EVC2: variants seen among roughly 807,000 people sequenced by gnomAD.
The protein encoded by EVC2 is EvC ciliary complex subunit 2.
Under a neutral mutation model 149.3 loss-of-function variants are expected in EVC2, and 148 were observed. The ratio of observed to expected loss-of-function variants is 0.99; its 90% CI spans 0.87 to 1.14. The LOEUF is 1.14. Ranked by LOEUF, EVC2 falls within the 50% of genes most tolerant of loss-of-function variation. The probability of loss-of-function intolerance (pLI) is 0.00; values close to 1 mark genes in which losing one functional copy is unlikely to be tolerated. For synonymous variants in EVC2, 776 were observed against 649.9 expected (o/e 1.19, Z -2.95); for missense variants, 1,854 against 1,627.3 (o/e 1.14, Z -2.40).
rs189531999 is a variant in EVC2, at chr4:5,640,948, G to A, written c.1146-110C>T. ...TTATGTGTAGGCAAGGGCTTTCTTC[G>A]TCTTCCTTTTCTTCCTTTCCCCGCT... On this transcript the variant is annotated intron_variant, in intron 9 of 21. Transcript: ENST00000344408. This position sits in a 1 kb window ranked among gnomAD's most constrained non-coding sequence, Gnocchi z 4.6. The A allele has an allele frequency of 2.8e-4, 360 of 1,281,998 alleles. No individual in the cohort carries two copies. The East Asian group carries it at 4.1e-3, about 15-fold the overall frequency. The allele number at this position is 1,281,998 out of a possible 1,614,324, so 79.4% of individuals were successfully genotyped here.
rs1341473827 is a variant in EVC2 at position 5,677,307 on chromosome 4, G to A, written c.870+3953C>T. Among the ~76,000 whole-genome samples, 2 of 152,140 alleles carry A rather than the reference G, an allele frequency of 1.3e-5. No homozygotes were observed. Among genetic ancestry groups the A allele is most frequent in the African/African-American group, 4.8e-5 (2 of 41,432 alleles). ...ATCAGTGGAGGGACAGGGATTCAAA[G>A]CCAGGCCTTATGGTCCAAGAGTCAG... On this transcript the variant is annotated intron_variant, in intron 7 of 21. Coordinates refer to ENST00000344408, the MANE Select transcript of EVC2 (RefSeq NM_147127.5). This position sits in a 1 kb window ranked among gnomAD's most constrained non-coding sequence, Gnocchi z 4.3.
intron 1 of EVC2, among the ~76,000 whole-genome samples, chr4:5,706,529 C>T (rs962653691): frequency 6.6e-6 from 1 of 151,222 alleles, no homozygotes; most frequent in Non-Finnish European, 1.5e-5. Flanking sequence ...TACATGAAGG[C>T]ATCATATAAT....
chr4:5,706,574 C>T (rs932511337), intron 1 of EVC2, among the ~76,000 whole-genome samples: 5 of 151,924 alleles, frequency 3.3e-5, no homozygotes, highest in African/African-American at 1.2e-4. Flanking sequence ...CCTTCGGGAA[C>T]TGTGCTCTGG....
intron 16 of EVC2, among the ~76,000 whole-genome samples, chr4:5,589,921 G>A (rs1021839853): frequency 6.6e-6 from 1 of 152,134 alleles, no homozygotes; most frequent in Non-Finnish European, 1.5e-5. Flanking sequence ...TACCTAAGGT[G>A]GAATATGGTG....
In EVC2 at chr4:5,567,148, C is replaced by G. The variant is rs1722335985; in HGVS notation, c.3557+1296G>C. 6.6e-6 allele frequency among the ~76,000 whole-genome samples: 1 copy of G among 152,040 alleles called. No individual in the cohort carries two copies. The highest frequency in any genetic ancestry group is 6.6e-5 in the Admixed American group (1 of 15,250). On this transcript the variant is annotated intron_variant, in intron 20 of 21. Coordinates refer to ENST00000344408, the MANE Select transcript of EVC2 (RefSeq NM_147127.5). The surrounding 1 kb of genome is among the most constrained non-coding windows in gnomAD (Gnocchi z 4.4). ...TCTGACCACGCCAACAACCAGACCT[C>G]TGACCCCCTAACATGCAGCCAGCCC...
chr4:5,619,419 T>C (rs963706457), intron 14 of EVC2, among the ~76,000 whole-genome samples: 3 of 151,912 alleles, frequency 2.0e-5, no homozygotes, highest in African/African-American at 7.2e-5. Flanking sequence ...GAGGCAGAGA[T>C]TGGGGTGAGA....
At chr4:5,598,138 A>G (rs1560152455) in intron 16 of EVC2, among the ~76,000 whole-genome samples, 5 of 151,484 alleles carry the variant, frequency 3.3e-5, no homozygotes, top group African/African-American at 1.2e-4. Flanking sequence ...AAATGGCCAT[A>G]CTGCCCAAGG....
At chr4:5,682,391 G>A (rs1464225063) in intron 6 of EVC2, among the ~76,000 whole-genome samples, 1 of 151,926 alleles carries the variant, frequency 6.6e-6, no homozygotes, top group African/African-American at 2.4e-5. Context: ...TCAGGAGGCT[G>A]AGGCAGGAGA....
chr4:5,600,342 T>A (rs1448446001), intron 16 of EVC2, among the ~76,000 whole-genome samples: 1 of 152,212 alleles, frequency 6.6e-6, no homozygotes, highest in Non-Finnish European at 1.5e-5. Context: ...TTACATAGGA[T>A]TTCTTTCAAG....
chr4:5,667,088 A>T (rs1719331705), intron 7 of EVC2, among the ~76,000 whole-genome samples: 1 of 152,152 alleles, frequency 6.6e-6, no homozygotes, highest in South Asian at 2.1e-4. Flanking sequence ...TTAGCATTTT[A>T]AAGAAGATAT....
rs1246227028 is a variant in EVC2 at position 5,640,534 on chromosome 4, G to A, written c.1450C>T (p.Leu484=). ...MMAMEEAEEL[L]KRAGERSAVE... is the part of the protein sequence containing the mutation. ...CTTACCCTCTCACCAGCACGTTTCA[G>A]CAACTCTTCTGCTTCCTCCATTGCC... Residue 484 remains leucine, a synonymous_variant, in exon 10 of 22, where the codon CTG becomes TTG. Coordinates refer to ENST00000344408, the MANE Select transcript of EVC2 (RefSeq NM_147127.5). The surrounding 1 kb of genome is among the most constrained non-coding windows in gnomAD (Gnocchi z 4.6). The A allele has an allele frequency of 3.1e-6, 5 of 1,614,010 alleles. No individual in the cohort carries two copies. The highest frequency in any genetic ancestry group is 1.6e-4 in the Middle Eastern group (1 of 6,084).
At chr4:5,529,238 C>T in the EVC2 span, among the ~76,000 whole-genome samples, 2 of 152,116 alleles carry the variant, frequency 1.3e-5, no homozygotes, top group Non-Finnish European at 2.9e-5. The surrounding 1 kb of genome is among the most constrained non-coding windows in gnomAD (Gnocchi z 4.5). Flanking sequence ...GGAGGAATCC[C>T]ATATGGCTAC....
At chr4:5,606,209 C>T (rs2108816492) in intron 16 of EVC2, among the ~76,000 whole-genome samples, 1 of 152,330 alleles carries the variant, frequency 6.6e-6, no homozygotes, top group Non-Finnish European at 1.5e-5. Context: ...CGGCTCCCAC[C>T]CACCTCTTAA....
chr4:5,626,331 G>A (rs79720681), intron 12 of EVC2, among the ~76,000 whole-genome samples: 2 of 124,660 alleles, frequency 1.6e-5, no homozygotes, highest in African/African-American at 5.8e-5. Flanking sequence ...CGTTCTTCTT[G>A]TTTTTTTTTT....
chr4:5,693,245 G>C (rs1721249824), intron 3 of EVC2, among the ~76,000 whole-genome samples: 1 of 152,204 alleles, frequency 6.6e-6, no homozygotes, highest in African/African-American at 2.4e-5. Context: ...AGTGGGTTCA[G>C]AGATGAACCC....
At chr4:5,547,000 C>G (rs2108757487) in intron 21 of EVC2, among the ~76,000 whole-genome samples, 2 of 152,306 alleles carry the variant, frequency 1.3e-5, no homozygotes, top group Admixed American at 1.3e-4. Flanking sequence ...GAGCCCCACC[C>G]CTGTGGCCAC....
rs750631490 is a variant in EVC2 at position 5,618,659 on chromosome 4, G to C, written c.2525C>G (p.Ser842Cys). ...IFMKLCSSVF[S>C]LSEEELLRMR... is the part of the protein sequence containing the mutation. ...CCTGAGCAGCTCCTCTTCAGACAGG[G>C]AGAAGACTGAGGAGCAGAGCTTCCT... The change falls in exon 15 of 22, where the codon TCC (serine) becomes TGC (cysteine). Residue 842 changes from serine to cysteine, a missense_variant. Coordinates refer to ENST00000344408, the MANE Select transcript of EVC2 (RefSeq NM_147127.5). This position sits in a 1 kb window ranked among gnomAD's most constrained non-coding sequence, Gnocchi z 4.4. The C allele has an allele frequency of 4.4e-5, 71 of 1,605,972 alleles. No homozygotes were observed. The highest frequency in any genetic ancestry group is 5.8e-5 in the Non-Finnish European group (68 of 1,176,170).
chr4:5,569,375 A>C lies in EVC2; in HGVS notation c.3361-735T>G, dbSNP rs1281877178. 6.6e-6 allele frequency among the ~76,000 whole-genome samples: 1 copy of C among 152,240 alleles called. No homozygotes were observed. Among genetic ancestry groups the C allele is most frequent in the East Asian group, 1.9e-4 (1 of 5,194 alleles). ...TGACAGAGAACTATACGTACATTTTATATCGATGTCAACTTCCTGGTTCTG... is the reference window on the plus strand; with the variant it reads ...TGACAGAGAACTATACGTACATTTTCTATCGATGTCAACTTCCTGGTTCTG... On this transcript the variant is annotated intron_variant, in intron 19 of 21. Coordinates refer to ENST00000344408, the MANE Select transcript of EVC2 (RefSeq NM_147127.5). This position sits in a 1 kb window ranked among gnomAD's most constrained non-coding sequence, Gnocchi z 4.8.
chr4:5,655,905 A>G (rs1053905307), intron 9 of EVC2, among the ~76,000 whole-genome samples: 3 of 152,158 alleles, frequency 2.0e-5, no homozygotes, highest in African/African-American at 4.8e-5. Context: ...TTCCAGTGGA[A>G]TATCTCACAA....
Sources: allele counts gnomAD v4.1 joint callset (sites outside exome capture counted in the v4.1 genomes callset), GRCh38; gene constraint gnomAD v4.1.1; non-coding constraint Gnocchi (gnomAD v3.1); transcripts MANE v1.5; gene names NCBI Gene and HGNC (gene_info 2026-07-23, HGNC 2026-07-21).